GRK5: variants seen among roughly 807,000 people sequenced by gnomAD.
GRK5 encodes the protein G protein-coupled receptor kinase 5, also known as g protein-coupled receptor kinase GRK5.
Under a neutral mutation model 78.4 loss-of-function variants are expected in GRK5, and 40 were observed. The ratio of observed to expected loss-of-function variants is 0.51; its 90% CI spans 0.40 to 0.66. The LOEUF (loss-of-function observed/expected upper bound fraction) is 0.66. GRK5 is among the 30% of genes least tolerant of loss of function. The pLI is 0.00. For synonymous variants in GRK5, 289 were observed against 296.8 expected (o/e 0.97, Z 0.27); for missense variants, 598 against 759.9 (o/e 0.79, Z 2.50).
intron 13 of GRK5, among the ~76,000 whole-genome samples, chr10:119,449,585 G>T (rs1263063196): frequency 1.3e-5 from 2 of 152,150 alleles, no homozygotes; most frequent in Non-Finnish European, 2.9e-5. Context: ...CGGGTTAGGA[G>T]TTCGAGACCA....
At chr10:119,453,759 C>A (rs2133922291) in intron 15 of GRK5, among the ~76,000 whole-genome samples, 1 of 152,342 alleles carries the variant, frequency 6.6e-6, no homozygotes, top group East Asian at 1.9e-4. Flanking sequence ...GACTGAACAT[C>A]ATAAGCCCAG....
intron 2 of GRK5, among the ~76,000 whole-genome samples, chr10:119,343,742 C>A (rs1234176154): frequency 1.3e-5 from 2 of 152,174 alleles, no homozygotes; most frequent in Admixed American, 6.5e-5. Context: ...GAGGTCCTTG[C>A]CCCGCAGATA....
In GRK5 at chr10:119,453,143, A is replaced by G; in HGVS notation, c.1543-2A>G. On this transcript the variant is annotated splice_acceptor_variant, in intron 14 of 15. Transcript: ENST00000392870. LOFTEE classifies it high-confidence loss of function. ...TGTGTTTTGTTTTCACGGCCCCTCC[A>G]GATGATAGAAACAGAATGCTTTAAG... 1 of 1,525,404 alleles carries G rather than the reference A, an allele frequency of 6.6e-7. No individual in the cohort carries two copies. Among genetic ancestry groups the G allele is most frequent in the Non-Finnish European group, 9.1e-7 (1 of 1,098,956 alleles). The allele number at this position is 1,525,404 out of a possible 1,614,324, so 94.5% of individuals were successfully genotyped here.
At chr10:119,427,913 C>T (rs889165259) in intron 6 of GRK5, among the ~76,000 whole-genome samples, 3 of 145,908 alleles carry the variant, frequency 2.1e-5, no homozygotes, top group African/African-American at 8.2e-5. Flanking sequence ...TCATCGCCAC[C>T]GTCAGCATCA....
intron 2 of GRK5, chr10:119,335,921 C>G (rs1025573064): frequency 7.2e-5 from 11 of 152,266 alleles, no homozygotes; most frequent in Non-Finnish European, 1.5e-4. Flanking sequence ...TAACACCAAC[C>G]TGGTAGAGCC....
At position 119,311,914 on chromosome 10, in the gene GRK5, A is replaced by ACTTTTT. The variant is rs34048341; in HGVS notation, c.53-14602_53-14601insCTTTTT. 1.0e-4 allele frequency among the ~76,000 whole-genome samples: 14 copies of ACTTTTT among 137,814 alleles called. 3 individuals are homozygous for ACTTTTT. The highest frequency in any genetic ancestry group is 1.2e-4 in the Non-Finnish European group (8 of 64,916). 90.4% of individuals were successfully genotyped at this position (137,814 alleles called of 152,430 possible). Reference sequence around the variant, plus strand: ...TGTACTGAATGCTACTGAATTGTTCATTTTTTTTTTTTTTTTTTTGAGACG... The same window carrying ACTTTTT: ...TGTACTGAATGCTACTGAATTGTTCACTTTTTTTTTTTTTTTTTTTTTTTTGAGACG... On this transcript the variant is annotated intron_variant, in intron 1 of 15. Transcript: ENST00000392870.
chr10:119,347,153 C>T (rs1012122110), intron 2 of GRK5, among the ~76,000 whole-genome samples: 6 of 152,174 alleles, frequency 3.9e-5, no homozygotes, highest in African/African-American at 1.4e-4. Flanking sequence ...CAGGGATTCT[C>T]TCTTATTGAT....
At chr10:119,316,060 C>CA (rs1447286224) in intron 1 of GRK5, among the ~76,000 whole-genome samples, 2 of 152,154 alleles carry the variant, frequency 1.3e-5, no homozygotes, top group Non-Finnish European at 2.9e-5. Flanking sequence ...TGCCTTTAAC[C>CA]AGCAGTGCCC....
At chr10:119,434,594 G>A (rs1852883977) in intron 8 of GRK5, among the ~76,000 whole-genome samples, 1 of 152,256 alleles carries the variant, frequency 6.6e-6, no homozygotes, top group Non-Finnish European at 1.5e-5. Context: ...CCGATGCCAA[G>A]ACGTGGGTTC....
intron 1 of GRK5, among the ~76,000 whole-genome samples, chr10:119,252,999 T>G (rs1433166251): frequency 6.6e-6 from 1 of 152,100 alleles, no homozygotes; most frequent in African/African-American, 2.4e-5. Context: ...GTGAGGGTCA[T>G]GGCCAGTGTG....
At chr10:119,246,764 C>T (rs1554898370) in intron 1 of GRK5, among the ~76,000 whole-genome samples, 2 of 152,178 alleles carry the variant, frequency 1.3e-5, no homozygotes. Context: ...GTTTAAAGCT[C>T]CCTCCTGCAC....
At chr10:119,313,010 G>A (rs529592625) in intron 1 of GRK5, among the ~76,000 whole-genome samples, 1 of 150,886 alleles carries the variant, frequency 6.6e-6, no homozygotes, top group South Asian at 2.1e-4. Context: ...TGGTCGTGAC[G>A]GTGATGGTAG....
chr10:119,436,013 A>G (rs1852911347), intron 8 of GRK5, among the ~76,000 whole-genome samples: 1 of 152,236 alleles, frequency 6.6e-6, no homozygotes, highest in Admixed American at 6.5e-5. Context: ...TCTGTGAGAC[A>G]TATTCACTAC....
chr10:119,262,545 T>C (rs1399724946), intron 1 of GRK5, among the ~76,000 whole-genome samples: 1 of 152,128 alleles, frequency 6.6e-6, no homozygotes, highest in African/African-American at 2.4e-5. Context: ...GGTTTCACCA[T>C]GTTGGCCAGG....
intron 8 of GRK5, among the ~76,000 whole-genome samples, 192 bp from the exon 9 acceptor site, chr10:119,436,459 A>T (rs11198922): frequency 4.6e-5 from 7 of 152,238 alleles, no homozygotes; most frequent in South Asian, 2.1e-4. Context: ...ACTGAAAGGG[A>T]GGAGCAGGTG....
chr10:119,251,130 A>G (rs1849192418), intron 1 of GRK5, among the ~76,000 whole-genome samples: 1 of 152,072 alleles, frequency 6.6e-6, no homozygotes, highest in African/African-American at 2.4e-5. Flanking sequence ...GTTGACATTA[A>G]GAAACAACAA....
intron 3 of GRK5, among the ~76,000 whole-genome samples, chr10:119,391,779 T>C (rs2133843454): frequency 6.6e-6 from 1 of 152,166 alleles, no homozygotes; most frequent in East Asian, 1.9e-4. Context: ...GATGCAGGTG[T>C]TTCTCCAGCG....
At chr10:119,399,595 G>A (rs1852113861) in intron 4 of GRK5, among the ~76,000 whole-genome samples, 1 of 152,134 alleles carries the variant, frequency 6.6e-6, no homozygotes, top group African/African-American at 2.4e-5. Flanking sequence ...ACCCTCAGTG[G>A]TCAATTACAC....
At chr10:119,426,361 A>G (rs1039235937) in intron 6 of GRK5, among the ~76,000 whole-genome samples, 1 of 152,148 alleles carries the variant, frequency 6.6e-6, no homozygotes, top group Non-Finnish European at 1.5e-5. Context: ...CAGGCACATC[A>G]TGACTCCAGG....
Sources: allele counts gnomAD v4.1 joint callset (sites outside exome capture counted in the v4.1 genomes callset), GRCh38; gene constraint gnomAD v4.1.1; transcripts MANE v1.5; gene names NCBI Gene and HGNC (gene_info 2026-07-23, HGNC 2026-07-21).